The following DLG1 variants were observed in gnomAD, a reference collection of about 807,000 sequenced individuals.
DLG1 encodes the protein disks large homolog 1.
In DLG1, 42 loss-of-function variants were observed where a neutral mutation model predicts 123.4. The ratio of observed to expected loss-of-function variants is 0.34; its 90% CI spans 0.27 to 0.44. DLG1 has a LOEUF of 0.44. Among genes scored for constraint, DLG1 ranks in the 20% least tolerant of loss-of-function variants. DLG1 has a pLI of 1.00. For missense variants in DLG1, 942 were observed against 1,082.6 expected (o/e 0.87, Z 1.82); for synonymous variants, 317 against 356.2 (o/e 0.89, Z 1.24).
chr3:197,266,560 C>T (rs150441421), intron 4 of DLG1, among the ~76,000 whole-genome samples: 2 of 152,078 alleles, frequency 1.3e-5, no homozygotes, highest in Non-Finnish European at 2.9e-5. Context: ...ATGCAGTGGG[C>T]CATGACCACA....
intron 4 of DLG1, among the ~76,000 whole-genome samples, chr3:197,273,481 G>C (rs890099755): frequency 1.3e-5 from 2 of 151,852 alleles, no homozygotes; most frequent in African/African-American, 4.8e-5. Context: ...CAAGTGATCT[G>C]CCCGCCTCTG....
intron 5 of DLG1, among the ~76,000 whole-genome samples, chr3:197,188,488 T>C (rs1438260144): frequency 6.6e-6 from 1 of 152,222 alleles, no homozygotes; most frequent in Non-Finnish European, 1.5e-5. Context: ...ACAACTAATA[T>C]CCTAGCAGTT....
At chr3:197,133,759 A>C (rs1162519727) in intron 10 of DLG1, among the ~76,000 whole-genome samples, 2 of 152,344 alleles carry the variant, frequency 1.3e-5, no homozygotes, top group Admixed American at 1.3e-4. Context: ...ACCAGACATC[A>C]GAAAGACAGA....
intron 6 of DLG1, among the ~76,000 whole-genome samples, chr3:197,148,342 T>C (rs951738544): frequency 8.6e-6 from 1 of 116,518 alleles, no homozygotes; most frequent in African/African-American, 3.4e-5. Context: ...GTCTGGGAGG[T>C]GGAGGTTGCA....
At chr3:197,251,942 C>T (rs1206307443) in intron 4 of DLG1, among the ~76,000 whole-genome samples, 2 of 152,150 alleles carry the variant, frequency 1.3e-5, no homozygotes, top group Non-Finnish European at 2.9e-5. Context: ...GTAAGATTCA[C>T]TAATTGTTAG....
intron 4 of DLG1, among the ~76,000 whole-genome samples, chr3:197,277,990 G>A (rs1282061449): frequency 2.0e-5 from 3 of 151,704 alleles, no homozygotes; most frequent in Non-Finnish European, 4.4e-5. Context: ...ACTGTTTAAA[G>A]AAATGGTTTT....
At chr3:197,128,251 T>C (rs1441180494) in intron 11 of DLG1, among the ~76,000 whole-genome samples, 3 of 152,232 alleles carry the variant, frequency 2.0e-5, no homozygotes, top group Middle Eastern at 3.2e-3. Context: ...TTTGTTGCCG[T>C]TTCGATAATG....
chr3:197,044,767 TTGTC>T (rs771705896), intron 24 of DLG1, 38 bp from the exon 25 acceptor site: 2 of 1,296,988 alleles, frequency 1.5e-6, no homozygotes, highest in Non-Finnish European at 2.1e-6. Flanking sequence ...TCTCCATTAA[TTGTC>T]TATTTTTGCC....
At chr3:197,216,388 C>G (rs945139346) in intron 4 of DLG1, among the ~76,000 whole-genome samples, 1 of 152,100 alleles carries the variant, frequency 6.6e-6, no homozygotes, top group African/African-American at 2.4e-5. Context: ...GTCATATTCA[C>G]AGATATGATT....
At chr3:197,181,028 C>G (rs1390409611) in intron 5 of DLG1, among the ~76,000 whole-genome samples, 1 of 152,168 alleles carries the variant, frequency 6.6e-6, no homozygotes, top group South Asian at 2.1e-4. Context: ...TTAATGACTT[C>G]CTCCTGAGTT....
intron 4 of DLG1, among the ~76,000 whole-genome samples, chr3:197,248,762 G>A (rs1752981490): frequency 6.6e-6 from 1 of 152,202 alleles, no homozygotes; most frequent in South Asian, 2.1e-4. Context: ...CTTAAAGTAA[G>A]GCAGCGTGGG....
intron 22 of DLG1, among the ~76,000 whole-genome samples, chr3:197,061,307 T>C (rs1221555008): frequency 6.6e-6 from 1 of 152,256 alleles, no homozygotes; most frequent in Non-Finnish European, 1.5e-5. Flanking sequence ...TTTAATAACT[T>C]GATACTGAAA....
chr3:197,254,441 T>C (rs1755897340), intron 4 of DLG1, among the ~76,000 whole-genome samples: 1 of 152,220 alleles, frequency 6.6e-6, no homozygotes, highest in South Asian at 2.1e-4. Context: ...TCACTGCAGC[T>C]TCCTGAAAAG....
chr3:197,281,935 T>C (rs528472483), intron 4 of DLG1, among the ~76,000 whole-genome samples: 2 of 152,320 alleles, frequency 1.3e-5, no homozygotes, highest in East Asian at 1.9e-4. Context: ...CACTTTTCCC[T>C]GATTTATTAT....
At chr3:197,048,950 C>A (rs904230263) in intron 24 of DLG1, among the ~76,000 whole-genome samples, 2 of 152,206 alleles carry the variant, frequency 1.3e-5, no homozygotes, top group African/African-American at 4.8e-5. Flanking sequence ...AACCACTGTG[C>A]CCAGCCACCT....
intron 4 of DLG1, among the ~76,000 whole-genome samples, chr3:197,220,371 T>C (rs1736334490): frequency 6.6e-6 from 1 of 152,134 alleles, no homozygotes. Context: ...TTTATAAGTA[T>C]ATAAAGTGTG....
At chr3:197,169,422 A>G (rs1223843146) in intron 5 of DLG1, among the ~76,000 whole-genome samples, 2 of 152,268 alleles carry the variant, frequency 1.3e-5, no homozygotes, top group East Asian at 3.9e-4. Context: ...AGTCAAATCA[A>G]GACACATTTT....
intron 23 of DLG1, among the ~76,000 whole-genome samples, chr3:197,052,016 T>C (rs989237159): frequency 6.6e-6 from 1 of 151,886 alleles, no homozygotes; most frequent in Non-Finnish European, 1.5e-5. Flanking sequence ...AATTTTTATA[T>C]TTTTAGTAGA....
At chr3:197,264,406 T>G (rs1055019222) in intron 4 of DLG1, among the ~76,000 whole-genome samples, 1 of 152,194 alleles carries the variant, frequency 6.6e-6, no homozygotes, top group Non-Finnish European at 1.5e-5. Flanking sequence ...CAATACTCGT[T>G]GGAGCATTTC....
Sources: gnomAD v4.1 joint callset for allele counts (sites outside exome capture counted in the v4.1 genomes callset) on GRCh38, gnomAD v4.1.1 for gene constraint, MANE v1.5 for transcripts, NCBI Gene and HGNC (gene_info 2026-07-23, HGNC 2026-07-21) for gene names.